Variants in CREBRF observed in about 807,000 individuals in gnomAD.
CREBRF encodes CREB3 regulatory factor.
In CREBRF, 5 loss-of-function variants were observed where a neutral mutation model predicts 66.1. The observed-to-expected ratio is 0.08, with a 90% confidence interval of 0.04 to 0.16. The LOEUF is 0.16. Ranked by LOEUF, CREBRF falls within the 10% of genes least tolerant of loss-of-function variation. The pLI, the probability that CREBRF is intolerant of heterozygous loss-of-function variation, is 1.00. For missense variants in CREBRF, 531 were observed against 744.9 expected, an observed-to-expected ratio of 0.71 and a Z score of 3.34; for synonymous variants, 229 against 264.4, an observed-to-expected ratio of 0.87 and a Z score of 1.30.
chr5:173,115,098 T>C (rs993283175), intron 7 of CREBRF, among the ~76,000 whole-genome samples: 2 of 151,730 alleles, frequency 1.3e-5, no homozygotes, highest in Non-Finnish European at 2.9e-5. Flanking sequence ...TTTCTTTTTC[T>C]TTTCTTTTTC....
chr5:173,086,084 T>C, intron 2 of CREBRF: 1 of 835,470 alleles, frequency 1.2e-6, no homozygotes, highest in Non-Finnish European at 2.1e-6. Flanking sequence ...CAATCATAAC[T>C]GTGACTGCAT....
chr5:173,057,038 C>T (rs3095844), intron 1 of CREBRF, among the ~76,000 whole-genome samples: 73,532 of 151,112 alleles, frequency 0.49, 19,007 homozygotes, highest in Non-Finnish European at 0.58. Context: ...CAGGGCGTCT[C>T]GGGGGTAGCC....
Position 173,134,389 on chromosome 5 carries a change from G to T in CREBRF, c.*644G>T. The T allele has an allele frequency of 3.0e-6, 1 of 333,000 alleles. No homozygotes were observed. 20.6% of individuals were successfully genotyped at this position (333,000 alleles called of 1,614,324 possible). On this transcript the variant is annotated 3_prime_UTR_variant, in exon 9 of 9. Coordinates refer to ENST00000296953, the MANE Select transcript of CREBRF (RefSeq NM_153607.3). ...CTCTAAAACTGGTAATATTTTGTAT[G>T]ATGAAAACCCTAATGAGAAAAAACA... is the stretch of plus-strand genomic sequence containing the variant.
chr5:173,079,888 T>C (rs1332123703), intron 1 of CREBRF, among the ~76,000 whole-genome samples: 3 of 152,218 alleles, frequency 2.0e-5, no homozygotes, highest in Non-Finnish European at 4.4e-5. Context: ...TTTAAGTCTG[T>C]ACCCTGTCAA....
chr5:173,132,381 C>T (rs1431218479), intron 8 of CREBRF, among the ~76,000 whole-genome samples: 5 of 143,850 alleles, frequency 3.5e-5, no homozygotes, highest in Non-Finnish European at 6.1e-5. Flanking sequence ...GCCACTGCGC[C>T]CAGCCGACAA....
intron 7 of CREBRF, among the ~76,000 whole-genome samples, chr5:173,117,600 T>TCCTTCCTCCCTTCCTC (rs1759027671): frequency 2.1e-5 from 1 of 47,582 alleles, no homozygotes; most frequent in Admixed American, 2.2e-4. Context: ...CTTCCTTCCT[T>TCCTTCCTCCCTTCCTC]CCATCCCTCC....
chr5:173,128,606 A>G (rs1376190928), intron 8 of CREBRF, among the ~76,000 whole-genome samples: 1 of 152,050 alleles, frequency 6.6e-6, no homozygotes, highest in Non-Finnish European at 1.5e-5. Context: ...AATCTGCATT[A>G]TGAACTACAG....
intron 1 of CREBRF, among the ~76,000 whole-genome samples, chr5:173,079,525 A>C (rs1757869431): frequency 6.6e-6 from 1 of 151,994 alleles, no homozygotes; most frequent in Non-Finnish European, 1.5e-5. Flanking sequence ...TCTAGCCCAG[A>C]CAATGTGCTG....
Position 173,056,679 on chromosome 5 carries a change from C to T in CREBRF, c.-192+200C>T, listed in dbSNP as rs969735052. The stretch of plus-strand genomic sequence containing the variant: ...CACCGCCTGCAGGTCACGGGGGCTC[C>T]GCTCCCCTCCCCCACCCCCGGCCCG... On this transcript the variant is annotated intron_variant, in intron 1 of 8. Transcript: ENST00000296953. Among the ~76,000 whole-genome samples, 8 of 152,082 alleles carry T rather than the reference C, an allele frequency of 5.3e-5. No individual in the cohort carries two copies. In the East Asian group the frequency reaches 1.6e-3, roughly 30 times the overall value.
At chr5:173,082,776 G>T (rs1267547624) in intron 2 of CREBRF, among the ~76,000 whole-genome samples, 3 of 151,352 alleles carry the variant, frequency 2.0e-5, no homozygotes, top group African/African-American at 7.3e-5. Context: ...AGGCGTGGTG[G>T]TGCGTACCTG....
chr5:173,129,926 A>G (rs1759376413), intron 8 of CREBRF, among the ~76,000 whole-genome samples: 1 of 151,988 alleles, frequency 6.6e-6, no homozygotes, highest in Non-Finnish European at 1.5e-5. Context: ...CCCAGGTTCA[A>G]GCGATTCTCC....
In CREBRF at chr5:173,113,986, G is replaced by A. The variant is rs113155560; in HGVS notation, c.1681+1607G>A. On this transcript the variant is annotated intron_variant, in intron 7 of 8. Coordinates refer to ENST00000296953, the MANE Select transcript of CREBRF (RefSeq NM_153607.3). ...TTTTGGGCAAGTTGAATCTGAAAGT[G>A]AAACAGTGTGAACAATGACCAATTA... Among the ~76,000 whole-genome samples the A allele has an allele frequency of 3.4e-3, 525 of 152,286 alleles. 2 individuals carry two copies. Among genetic ancestry groups the A allele is most frequent in the African/African-American group, 0.012 (487 of 41,556 alleles).
At chr5:173,126,714 A>G (rs1257644132) in intron 8 of CREBRF, among the ~76,000 whole-genome samples, 2 of 152,204 alleles carry the variant, frequency 1.3e-5, no homozygotes, top group African/African-American at 4.8e-5. Flanking sequence ...TGGCCCATCC[A>G]CATAAATATT....
At chr5:173,105,084 A>G (rs970436882) in intron 4 of CREBRF, among the ~76,000 whole-genome samples, 4 of 152,172 alleles carry the variant, frequency 2.6e-5, no homozygotes, top group Admixed American at 2.0e-4. Context: ...TTTAGTTCGT[A>G]TAAATGGAGC....
At chr5:173,062,486 T>C (rs558653688) in intron 1 of CREBRF, among the ~76,000 whole-genome samples, 1 of 152,338 alleles carries the variant, frequency 6.6e-6, no homozygotes, top group African/African-American at 2.4e-5. Flanking sequence ...ATCCGTTCTT[T>C]TAAGAAAGTT....
intron 3 of CREBRF, among the ~76,000 whole-genome samples, chr5:173,087,706 C>T (rs1758201529): frequency 6.6e-6 from 1 of 151,730 alleles, no homozygotes; most frequent in Non-Finnish European, 1.5e-5. Flanking sequence ...AAGGATGCTT[C>T]TGGGTATGGT....
At chr5:173,097,254 TTTTG>T (rs1758501145) in intron 4 of CREBRF, among the ~76,000 whole-genome samples, 1 of 120,468 alleles carries the variant, frequency 8.3e-6, no homozygotes, top group Non-Finnish European at 2.0e-5. Context: ...CATTGAGAGT[TTTTG>T]TTTGTTTGAG....
chr5:173,099,744 G>T (rs964049661), intron 4 of CREBRF, among the ~76,000 whole-genome samples: 1 of 151,470 alleles, frequency 6.6e-6, no homozygotes, highest in African/African-American at 2.4e-5. Flanking sequence ...ATTATCATGG[G>T]GCTTACATAA....
intron 1 of CREBRF, among the ~76,000 whole-genome samples, chr5:173,075,132 C>T (rs1283565168): frequency 1.3e-5 from 2 of 152,114 alleles, no homozygotes; most frequent in Non-Finnish European, 2.9e-5. Context: ...TCCCATTGTC[C>T]TTCCTTAAAG....
Sources: gnomAD v4.1 joint callset for allele counts (sites outside exome capture counted in the v4.1 genomes callset) on GRCh38, gnomAD v4.1.1 for gene constraint, MANE v1.5 for transcripts, NCBI Gene and HGNC (gene_info 2026-07-23, HGNC 2026-07-21) for gene names.